PAIP2: variants seen among roughly 807,000 people sequenced by gnomAD.
PAIP2 encodes polyadenylate-binding protein-interacting protein 2.
Under a neutral mutation model 14.8 loss-of-function variants are expected in PAIP2, and 7 were observed. The ratio of observed to expected loss-of-function variants is 0.47; its 90% CI spans 0.27 to 0.89. The LOEUF (loss-of-function observed/expected upper bound fraction) is 0.89. Ranked by LOEUF, PAIP2 falls within the 40% of genes least tolerant of loss-of-function variation. The pLI, the probability that PAIP2 is intolerant of heterozygous loss-of-function variation, is 0.13. For missense variants in PAIP2, 122 were observed against 154.7 expected, an observed-to-expected ratio of 0.79 and a Z score of 1.12; for synonymous variants, 47 against 45.3, an observed-to-expected ratio of 1.04 and a Z score of -0.15.
At chr5:139,353,651 A>G (rs531485206) in intron 1 of PAIP2, among the ~76,000 whole-genome samples, 3 of 152,060 alleles carry the variant, frequency 2.0e-5, no homozygotes, top group Non-Finnish European at 4.4e-5. Flanking sequence ...ATTTGTTACT[A>G]CAAAATACAT....
chr5:139,362,279 G>A (rs1044934241), intron 1 of PAIP2, among the ~76,000 whole-genome samples: 1 of 151,948 alleles, frequency 6.6e-6, no homozygotes, highest in African/African-American at 2.4e-5. Flanking sequence ...GGAGTGCAGT[G>A]GTGCAGTCTC....
chr5:139,343,667 A>C (rs542026221), intron 1 of PAIP2, among the ~76,000 whole-genome samples: 1 of 140,332 alleles, frequency 7.1e-6, no homozygotes, highest in Non-Finnish European at 1.5e-5. Flanking sequence ...TTTACATCCT[A>C]TTGTCATTCA....
chr5:139,350,474 T>C (rs1044293705), intron 1 of PAIP2, among the ~76,000 whole-genome samples: 6 of 150,580 alleles, frequency 4.0e-5, no homozygotes, highest in Admixed American at 3.3e-4. Flanking sequence ...CTACTAAAAA[T>C]GCAAAAATTA....
At position 139,355,937 on chromosome 5, in the gene PAIP2, A is replaced by AC. The variant is rs1756896654; in HGVS notation, c.-26-7820dup. Among the ~76,000 whole-genome samples the AC allele has an allele frequency of 2.0e-5, 3 of 151,332 alleles. No individual in the cohort carries two copies. The South Asian group carries it at 6.3e-4, about 32-fold the overall frequency. ...AGGCACCTGAGGTCAGGAGTTTGAGACCAGGCTGGCCAACATGGTGAAAAC... is the reference window on the plus strand; with the variant it reads ...AGGCACCTGAGGTCAGGAGTTTGAGACCCAGGCTGGCCAACATGGTGAAAAC... On this transcript the variant is annotated intron_variant, in intron 1 of 3. Transcript: ENST00000265192.
intron 3 of PAIP2, chr5:139,367,631 C>T (rs1038995898): frequency 6.6e-5 from 10 of 152,248 alleles, no homozygotes; most frequent in Non-Finnish European, 4.4e-5. Flanking sequence ...TACCATGCTT[C>T]CTGTGGGAAT....
chr5:139,351,508 TTA>T (rs1474315616), intron 1 of PAIP2, among the ~76,000 whole-genome samples: 1 of 152,170 alleles, frequency 6.6e-6, no homozygotes, highest in Non-Finnish European at 1.5e-5. Flanking sequence ...CAGAAATGCT[TTA>T]TGTGTGTTTA....
chr5:139,362,582 G>T (rs1757101961), intron 1 of PAIP2, among the ~76,000 whole-genome samples: 1 of 151,904 alleles, frequency 6.6e-6, no homozygotes, highest in Non-Finnish European at 1.5e-5. Context: ...GGCTAATTTT[G>T]TATTTTTAGT....
At chr5:139,350,695 A>G (rs1241166394) in intron 1 of PAIP2, among the ~76,000 whole-genome samples, 1 of 151,964 alleles carries the variant, frequency 6.6e-6, no homozygotes, top group African/African-American at 2.4e-5. Flanking sequence ...CATACCTGCA[A>G]CTTATCAAAT....
At chr5:139,366,836 A>G (rs1018626695) in intron 3 of PAIP2, among the ~76,000 whole-genome samples, 1 of 152,116 alleles carries the variant, frequency 6.6e-6, no homozygotes, top group African/African-American at 2.4e-5. Context: ...CAAAGTGGGA[A>G]GATTACTTTG....
intron 1 of PAIP2, among the ~76,000 whole-genome samples, chr5:139,348,995 A>G (rs1756645191): frequency 6.6e-6 from 1 of 152,178 alleles, no homozygotes; most frequent in Admixed American, 6.5e-5. Context: ...AATTTAGTAA[A>G]ATATAAATGG....
At position 139,365,568 on chromosome 5, in the gene PAIP2, AG is replaced by A. The variant is rs1298665076; in HGVS notation, c.318+827del. 2.0e-5 allele frequency among the ~76,000 whole-genome samples: 3 copies of A among 152,058 alleles called. No individual in the cohort carries two copies. In the East Asian group the frequency reaches 5.8e-4, roughly 29 times the overall value. ...GTAGTTCCAGCTACTTGGGAGGCTG[AG>A]GCAGGAGAATCGCTTCAACCTGGAA... is the stretch of plus-strand genomic sequence containing the variant. On this transcript the variant is annotated intron_variant, in intron 3 of 3. Coordinates refer to ENST00000265192, the MANE Select transcript of PAIP2 (RefSeq NM_016480.5).
chr5:139,347,031 A>T (rs1756572654), intron 1 of PAIP2, among the ~76,000 whole-genome samples: 1 of 151,242 alleles, frequency 6.6e-6, no homozygotes, highest in African/African-American at 2.4e-5. Flanking sequence ...CCGGTCTCAA[A>T]CTCCTCACCT....
chr5:139,349,414 A>G (rs1261194323), intron 1 of PAIP2, among the ~76,000 whole-genome samples: 2 of 151,908 alleles, frequency 1.3e-5, no homozygotes, highest in African/African-American at 4.8e-5. Flanking sequence ...ATGCCTGGCT[A>G]ATTTTTGTAT....
chr5:139,360,938 A>G lies in PAIP2; in HGVS notation c.-26-2821A>G, dbSNP rs1293801274. ...TGGGATTATAGGCATGCACCACCAC[A>G]TCCAGCTAATTTTTTGTATTTGTAG... On this transcript the variant is annotated intron_variant, in intron 1 of 3. Transcript: ENST00000265192. Among the ~76,000 whole-genome samples the G allele has an allele frequency of 2.0e-5, 3 of 151,682 alleles. No individual in the cohort carries two copies. In the East Asian group the frequency reaches 5.8e-4, roughly 29 times the overall value.
Position 139,343,459 on chromosome 5 carries a change from T to C in PAIP2, c.-27+1479T>C, listed in dbSNP as rs760507364. On this transcript the variant is annotated intron_variant, in intron 1 of 3. Coordinates refer to ENST00000265192, the MANE Select transcript of PAIP2 (RefSeq NM_016480.5). ...GAATGAGTTTATAGCAGGCTTTTCC[T>C]TAAATAAGCACTCTGCACTTTATTC... 1.3e-4 allele frequency: 20 copies of C among 152,198 alleles called. 1 individual carries two copies. Among genetic ancestry groups the C allele is most frequent in the Non-Finnish European group, 2.4e-4 (16 of 68,038 alleles). The allele number at this position is 152,198 out of a possible 1,614,324, so 9.4% of individuals were successfully genotyped here.
chr5:139,350,175 CAAAA>C (rs1223498671), intron 1 of PAIP2, among the ~76,000 whole-genome samples: 1 of 66,554 alleles, frequency 1.5e-5, no homozygotes, highest in Non-Finnish European at 3.1e-5. Context: ...GACTCTGTCT[CAAAA>C]AAAAAAAAAA....
chr5:139,356,377 C>T (rs188762007), intron 1 of PAIP2, among the ~76,000 whole-genome samples: 37 of 151,132 alleles, frequency 2.4e-4, no homozygotes, highest in African/African-American at 8.7e-4. Context: ...ACCCAGGAGG[C>T]GGAGGTTGCA....
chr5:139,359,688 G>A (rs138297901), intron 1 of PAIP2, among the ~76,000 whole-genome samples: 1,709 of 151,620 alleles, frequency 0.011, 17 homozygotes, highest in Middle Eastern at 0.051. Context: ...AGTAATTTTC[G>A]GCCGGACACG....
chr5:139,348,576 C>G (rs1756629184), intron 1 of PAIP2, among the ~76,000 whole-genome samples: 1 of 151,726 alleles, frequency 6.6e-6, no homozygotes. Context: ...CCAAGATGGT[C>G]TAGATCTCCT....
Sources: allele counts gnomAD v4.1 joint callset (sites outside exome capture counted in the v4.1 genomes callset), GRCh38; gene constraint gnomAD v4.1.1; transcripts MANE v1.5; gene names NCBI Gene and HGNC (gene_info 2026-07-23, HGNC 2026-07-21).